Variants in SLC35F4 observed in about 807,000 individuals in gnomAD.
SLC35F4 encodes the protein chromosome 14 open reading frame 36.
Under a neutral mutation model 44.2 loss-of-function variants are expected in SLC35F4, and 24 were observed. The ratio of observed to expected loss-of-function variants is 0.54; its 90% CI spans 0.39 to 0.76. SLC35F4 has a LOEUF of 0.76. Among genes scored for constraint, SLC35F4 ranks in the 30% least tolerant of loss-of-function variants. The pLI is 0.00. For synonymous variants in SLC35F4, 238 were observed against 223.6 expected (o/e 1.06, Z -0.57); for missense variants, 562 against 586.1 (o/e 0.96, Z 0.42).
intron 1 of SLC35F4, among the ~76,000 whole-genome samples, chr14:57,755,341 T>C (rs2076971735): frequency 6.6e-6 from 1 of 152,078 alleles, no homozygotes; most frequent in South Asian, 2.1e-4. Context: ...CAAATTCCCA[T>C]GAGCCCCACT....
chr14:57,772,106 A>C (rs2077379078), intron 1 of SLC35F4, among the ~76,000 whole-genome samples: 1 of 152,208 alleles, frequency 6.6e-6, no homozygotes. Context: ...AAAAAAATGC[A>C]CTTGAGGCTT....
intron 1 of SLC35F4, among the ~76,000 whole-genome samples, chr14:57,620,588 A>G (rs2072123392): frequency 6.6e-6 from 1 of 152,154 alleles, no homozygotes; most frequent in Non-Finnish European, 1.5e-5. Flanking sequence ...GGAAAAAAAC[A>G]CCAAATTGTG....
At position 57,688,794 on chromosome 14, in the gene SLC35F4, T is replaced by C. The variant is rs140934061; in HGVS notation, c.104-94670A>G. Among the ~76,000 whole-genome samples, 194 of 152,288 alleles carry C rather than the reference T, an allele frequency of 1.3e-3. 1 individual carries two copies. Among genetic ancestry groups the C allele is most frequent in the African/African-American group, 4.5e-3 (187 of 41,568 alleles). On this transcript the variant is annotated intron_variant, in intron 1 of 7. Transcript: ENST00000556826. ...GATCTTGTGTTCCTTAAGTGACAAA[T>C]GCTTGAAAATTCAAGCAGAATTGTG...
chr14:57,770,901 A>C (rs1595013857), intron 1 of SLC35F4, among the ~76,000 whole-genome samples: 1 of 152,210 alleles, frequency 6.6e-6, no homozygotes, highest in African/African-American at 2.4e-5. Flanking sequence ...TTGGTCCTGC[A>C]TACTCAGGGG....
intron 1 of SLC35F4, among the ~76,000 whole-genome samples, chr14:57,923,026 A>G (rs1889472086): frequency 6.6e-6 from 1 of 152,188 alleles, no homozygotes; most frequent in African/African-American, 2.4e-5. Flanking sequence ...CTTCATCCCT[A>G]TGAGCTATGG....
chr14:57,980,125 C>T (rs957879144), intron 1 of SLC35F4, among the ~76,000 whole-genome samples: 3 of 152,114 alleles, frequency 2.0e-5, no homozygotes, highest in Admixed American at 2.0e-4. Context: ...CAAATACTTT[C>T]CTTAGGGTGT....
chr14:57,565,411 C>T (rs2068157641), intron 7 of SLC35F4, among the ~76,000 whole-genome samples: 1 of 152,228 alleles, frequency 6.6e-6, no homozygotes, highest in Non-Finnish European at 1.5e-5. Flanking sequence ...TCGCAGCATT[C>T]AGCACATACC....
intron 1 of SLC35F4, among the ~76,000 whole-genome samples, chr14:57,859,903 T>A (rs1471430527): frequency 6.6e-6 from 1 of 152,172 alleles, no homozygotes; most frequent in East Asian, 1.9e-4. Context: ...AAAAGGCACA[T>A]TTTAAGGACA....
chr14:57,830,084 A>G (rs1030589261), intron 1 of SLC35F4, among the ~76,000 whole-genome samples: 1 of 152,232 alleles, frequency 6.6e-6, no homozygotes, highest in African/African-American at 2.4e-5. Flanking sequence ...TAACTTTACA[A>G]AAATATTCCA....
At chr14:57,796,112 G>C (rs941562472) in intron 1 of SLC35F4, among the ~76,000 whole-genome samples, 2 of 152,072 alleles carry the variant, frequency 1.3e-5, no homozygotes, top group African/African-American at 4.8e-5. Flanking sequence ...CAATGTTGCT[G>C]CAAAGAACAT....
chr14:57,670,902 C>CTTTTTTTTTTTTTTTT (rs35951590), intron 1 of SLC35F4, among the ~76,000 whole-genome samples: 1 of 107,362 alleles, frequency 9.3e-6, no homozygotes. Flanking sequence ...CTCATTCATT[C>CTTTTTTTTTTTTTTTT]TTTTTTTTTT....
chr14:57,611,000 T>G (rs189665181), intron 1 of SLC35F4, among the ~76,000 whole-genome samples: 1 of 152,338 alleles, frequency 6.6e-6, no homozygotes, highest in Non-Finnish European at 1.5e-5. Context: ...TGATTGGGAA[T>G]AGCAGAGTGG....
intron 1 of SLC35F4, among the ~76,000 whole-genome samples, chr14:57,768,008 A>G (rs2077274131): frequency 6.6e-6 from 1 of 152,208 alleles, no homozygotes; most frequent in African/African-American, 2.4e-5. Context: ...TGAATTCATT[A>G]TTTAAAAGTT....
At chr14:57,767,677 GAATA>G (rs562038731) in intron 1 of SLC35F4, among the ~76,000 whole-genome samples, 52 of 151,686 alleles carry the variant, frequency 3.4e-4, no homozygotes, top group East Asian at 2.7e-3. Flanking sequence ...AAAGATAATA[GAATA>G]AATAAAATTG....
chr14:57,647,713 C>T (rs2073600827), intron 1 of SLC35F4, among the ~76,000 whole-genome samples: 1 of 152,100 alleles, frequency 6.6e-6, no homozygotes. Context: ...CTGTGTTCTT[C>T]CTTATAAAAT....
At chr14:57,773,604 T>C (rs1455095198) in intron 1 of SLC35F4, among the ~76,000 whole-genome samples, 1 of 149,158 alleles carries the variant, frequency 6.7e-6, no homozygotes, top group East Asian at 2.0e-4. Flanking sequence ...CACTCAACTT[T>C]AAAAAACAAC....
At chr14:57,877,522 G>C (rs963981639) in intron 1 of SLC35F4, among the ~76,000 whole-genome samples, 1 of 152,090 alleles carries the variant, frequency 6.6e-6, no homozygotes, top group Non-Finnish European at 1.5e-5. Context: ...ACCCAGTAAT[G>C]GGATTGCTCA....
intron 1 of SLC35F4, among the ~76,000 whole-genome samples, chr14:57,717,914 A>G (rs764062724): frequency 2.0e-5 from 3 of 152,188 alleles, no homozygotes; most frequent in Non-Finnish European, 4.4e-5. Context: ...GTTATTGACT[A>G]TAGTCCTGCT....
At chr14:57,900,494 C>G (rs1888977253) in intron 1 of SLC35F4, among the ~76,000 whole-genome samples, 1 of 152,178 alleles carries the variant, frequency 6.6e-6, no homozygotes, top group Non-Finnish European at 1.5e-5. Context: ...GTGCCCCTCT[C>G]TTTCTAGAAG....
Sources: allele counts gnomAD v4.1 joint callset (sites outside exome capture counted in the v4.1 genomes callset), GRCh38; gene constraint gnomAD v4.1.1; transcripts MANE v1.5; gene names NCBI Gene and HGNC (gene_info 2026-07-23, HGNC 2026-07-21).